EFR3B: variants seen among roughly 807,000 people sequenced by gnomAD.
EFR3B encodes the protein protein EFR3 homolog B.
A neutral mutation model predicts 104.7 loss-of-function variants in EFR3B; 64 were observed. The ratio of observed to expected loss-of-function variants is 0.61; its 90% confidence interval spans 0.50 to 0.75. EFR3B has a LOEUF of 0.75. EFR3B is among the 30% of genes least tolerant of loss of function. EFR3B has a pLI of 0.00. For missense variants in EFR3B, 750 were observed against 1,078.5 expected (o/e 0.70, Z 4.27); for synonymous variants, 385 against 417.9 (o/e 0.92, Z 0.96).
chr2:25,134,751 C>T (rs1310839338), intron 12 of EFR3B, among the ~76,000 whole-genome samples: 1 of 152,160 alleles, frequency 6.6e-6, no homozygotes, highest in Non-Finnish European at 1.5e-5. Flanking sequence ...ATATTCCTGC[C>T]ATTTCTTTGC....
intron 5 of EFR3B, among the ~76,000 whole-genome samples, chr2:25,127,191 C>CAAAAAAAA (rs57818903): frequency 7.7e-5 from 4 of 51,726 alleles, no homozygotes; most frequent in Non-Finnish European, 1.0e-4. Context: ...GACTCCACCT[C>CAAAAAAAA]AAAAAAAAAA....
rs1312837895 is a variant in EFR3B at position 25,136,454 on chromosome 2, C to T, written c.1485-69C>T. ...AACTAACAATGTTGGGGATAAAGCT[C>T]AGTGACCCCGTGTGAGCTCAGGCTG... is the stretch of plus-strand genomic sequence containing the variant. On this transcript the variant is annotated intron_variant, in intron 13 of 22. Coordinates refer to ENST00000403714, the MANE Select transcript of EFR3B (RefSeq NM_014971.2). The surrounding 1 kb of genome is among the most constrained non-coding windows in gnomAD (Gnocchi z 4.0). The T allele has an allele frequency of 8.5e-6, 11 of 1,300,698 alleles. No individual in the cohort carries two copies. The South Asian group carries it at 1.0e-4, about 12-fold the overall frequency. The allele number at this position is 1,300,698 out of a possible 1,614,324, so 80.6% of individuals were successfully genotyped here. A position where few individuals can be genotyped will look rare whatever the true frequency, so the allele number is the denominator to read the frequency against.
chr2:25,134,370 A>G (rs1670464433), intron 12 of EFR3B, among the ~76,000 whole-genome samples: 1 of 152,148 alleles, frequency 6.6e-6, no homozygotes, highest in East Asian at 1.9e-4. Context: ...GTGTTTCACC[A>G]TGTTGGCCAG....
At chr2:25,094,632 A>G (rs922897241) in intron 3 of EFR3B, among the ~76,000 whole-genome samples, 15 of 152,348 alleles carry the variant, frequency 9.8e-5, no homozygotes, top group Middle Eastern at 3.4e-3. Context: ...AAGCATTTTC[A>G]TTCTTTTCTA....
Position 25,158,371 on chromosome 2 carries a change from G to A in EFR3B, c.*4031G>A, listed in dbSNP as rs1048734947. ...AGGGCAGGCCAGGCCCACTTCCTGT[G>A]ACCCCAGACCTTGGCAGGCGGGTCG... is the stretch of plus-strand genomic sequence containing the variant. On this transcript the variant is annotated 3_prime_UTR_variant, in exon 23 of 23. Transcript: ENST00000403714. 1 of 152,306 alleles carries A rather than the reference G, an allele frequency of 6.6e-6. No individual in the cohort carries two copies. Among genetic ancestry groups the A allele is most frequent in the Non-Finnish European group, 1.5e-5 (1 of 68,114 alleles). The allele number at this position is 152,306 out of a possible 1,614,324, so 9.4% of individuals were successfully genotyped here. A position where few individuals can be genotyped will look rare whatever the true frequency, so the allele number is the denominator to read the frequency against.
At chr2:25,094,634 T>C (rs1313948695) in intron 3 of EFR3B, among the ~76,000 whole-genome samples, 1 of 152,230 alleles carries the variant, frequency 6.6e-6, no homozygotes, top group Non-Finnish European at 1.5e-5. Flanking sequence ...GCATTTTCAT[T>C]CTTTTCTAGA....
intron 1 of EFR3B, among the ~76,000 whole-genome samples, chr2:25,053,722 G>A (rs1260289849): frequency 2.0e-5 from 3 of 152,224 alleles, no homozygotes; most frequent in African/African-American, 7.2e-5. Context: ...GGCCAACATG[G>A]TGAATGAAAC....
chr2:25,120,080 C>G (rs1669971099), intron 4 of EFR3B, among the ~76,000 whole-genome samples: 1 of 152,104 alleles, frequency 6.6e-6, no homozygotes, highest in African/African-American at 2.4e-5. Context: ...AAAGGCTGGG[C>G]ACGGGGGCTG....
intron 19 of EFR3B, chr2:25,146,795 CAG>C (rs1670829721): frequency 6.6e-6 from 1 of 152,456 alleles, no homozygotes; most frequent in African/African-American, 2.4e-5. Context: ...TCTCCACTCT[CAG>C]CCATCAGTGC....
In EFR3B at chr2:25,154,399, C is replaced by A; in HGVS notation, c.*59C>A. Reference sequence around the variant, plus strand: ...GTCTGAGGAGGGGCTCACCTCACGCCCACCCCGACCACATGGAGATCTGGC... The same window carrying A: ...GTCTGAGGAGGGGCTCACCTCACGCACACCCCGACCACATGGAGATCTGGC... On this transcript the variant is annotated 3_prime_UTR_variant, in exon 23 of 23. Coordinates refer to ENST00000403714, the MANE Select transcript of EFR3B (RefSeq NM_014971.2). This position sits in a 1 kb window ranked among gnomAD's most constrained non-coding sequence, Gnocchi z 4.1. The A allele has an allele frequency of 7.2e-7, 1 of 1,395,166 alleles. No individual in the cohort carries two copies. The highest frequency in any genetic ancestry group is 9.9e-7 in the Non-Finnish European group (1 of 1,009,616). 86.4% of individuals were successfully genotyped at this position (1,395,166 alleles called of 1,614,324 possible).
intron 4 of EFR3B, among the ~76,000 whole-genome samples, chr2:25,110,111 C>T (rs950588026): frequency 6.6e-6 from 1 of 152,064 alleles, no homozygotes; most frequent in Admixed American, 6.6e-5. Context: ...TCCTTGCTCC[C>T]CTGCCCCTCA....
In EFR3B at chr2:25,131,853, C is replaced by T; in HGVS notation, c.1089C>T (p.Thr363=). 6.5e-7 allele frequency: 1 copy of T among 1,549,332 alleles called. No homozygotes were observed. Among genetic ancestry groups the T allele is most frequent in the Non-Finnish European group, 8.7e-7 (1 of 1,146,308 alleles). ...GSYDGAVSLG[T]KIIKEHEERM... ...ACGACGGGGCGGTCAGCCTCGGCAC[C>T]AAGATCATCAAGGAGCACGAGGAGC... The change falls in exon 10 of 23, where the codon ACC becomes ACT. Residue 363 remains threonine, a synonymous_variant. Transcript: ENST00000403714. This position sits in a 1 kb window ranked among gnomAD's most constrained non-coding sequence, Gnocchi z 7.6.
chr2:25,096,768 C>T (rs1669289552), intron 3 of EFR3B, among the ~76,000 whole-genome samples: 1 of 152,126 alleles, frequency 6.6e-6, no homozygotes, highest in South Asian at 2.1e-4. Flanking sequence ...CAGGAGAAGA[C>T]GGAGCTGGTC....
rs1319954306 is a variant in EFR3B, at chr2:25,143,843, C to T, written c.2031C>T (p.Pro677=). The T allele has an allele frequency of 6.4e-7, 1 of 1,551,484 alleles. No individual in the cohort carries two copies. The highest frequency in any genetic ancestry group is 8.7e-7 in the Non-Finnish European group (1 of 1,146,950). Residue 677 remains proline, a synonymous_variant, in exon 18 of 23, where the codon CCC becomes CCT. Transcript: ENST00000403714. ...ACAACTCGGACCGGCTCTGCCTGCC[C>T]TACATTCCTCAGCTGACAGGTATGA... is the stretch of plus-strand genomic sequence containing the variant. ...SGYNSDRLCL[P]YIPQLTDEDR...
chr2:25,067,575 C>T (rs1321951963), intron 1 of EFR3B, among the ~76,000 whole-genome samples: 1 of 152,082 alleles, frequency 6.6e-6, no homozygotes, highest in Admixed American at 6.6e-5. Flanking sequence ...GCTGGGACTA[C>T]AGGCGCCTGC....
chr2:25,098,935 C>G (rs931140978), intron 3 of EFR3B, among the ~76,000 whole-genome samples: 7 of 150,922 alleles, frequency 4.6e-5, no homozygotes, highest in African/African-American at 1.7e-4. Context: ...AATCTAAGCC[C>G]TGGGGCTCAC....
intron 1 of EFR3B, among the ~76,000 whole-genome samples, chr2:25,053,510 G>T (rs1226860849): frequency 1.2e-4 from 19 of 152,224 alleles, no homozygotes; most frequent in Admixed American, 1.2e-3. Flanking sequence ...TTAGAGATTG[G>T]TTCCGTGGTC....
intron 1 of EFR3B, among the ~76,000 whole-genome samples, chr2:25,090,154 G>A (rs935409533): frequency 7.2e-5 from 11 of 152,236 alleles, no homozygotes; most frequent in African/African-American, 2.7e-4. Context: ...ATTTCAAGTG[G>A]TGTGCTTGTA....
intron 15 of EFR3B, 98 bp from the exon 16 acceptor site, chr2:25,138,961 C>T: frequency 6.8e-7 from 1 of 1,470,068 alleles, no homozygotes. Flanking sequence ...GGAAAGCAAG[C>T]ATTTCTAAAG....
Sources: gnomAD v4.1 joint callset for allele counts (sites outside exome capture counted in the v4.1 genomes callset) on GRCh38, gnomAD v4.1.1 for gene constraint, Gnocchi (gnomAD v3.1) non-coding constraint, MANE v1.5 for transcripts, NCBI Gene and HGNC (gene_info 2026-07-23, HGNC 2026-07-21) for gene names.